Variants in SPTB observed in about 807,000 individuals in gnomAD.
SPTB encodes the protein spectrin beta, erythrocytic.
Under a neutral mutation model 256.2 loss-of-function variants are expected in SPTB, and 45 were observed. The ratio of observed to expected loss-of-function variants is 0.18; its 90% CI spans 0.14 to 0.23. The LOEUF is 0.23. Among genes scored for constraint, SPTB ranks in the 10% least tolerant of loss-of-function variants. SPTB has a pLI of 1.00. For synonymous variants in SPTB, 1,231 were observed against 1,243.1 expected (o/e 0.99, Z 0.21); for missense variants, 2,715 against 3,040.4 (o/e 0.89, Z 2.52).
At chr14:64,820,891 T>A (rs555564507) in intron 2 of SPTB, among the ~76,000 whole-genome samples, 3 of 152,210 alleles carry the variant, frequency 2.0e-5, no homozygotes, top group African/African-American at 4.8e-5. Flanking sequence ...TTGGCCAGGC[T>A]GGTCTTGAAC....
At chr14:64,863,564 T>C (rs1390017204) in intron 1 of SPTB, among the ~76,000 whole-genome samples, 1 of 152,200 alleles carries the variant, frequency 6.6e-6, no homozygotes, top group Admixed American at 6.5e-5. Context: ...CAGCCTAGCA[T>C]ATAACAGGCA....
chr14:64,831,397 G>A (rs922476073), intron 1 of SPTB, among the ~76,000 whole-genome samples: 1 of 152,174 alleles, frequency 6.6e-6, no homozygotes, highest in African/African-American at 2.4e-5. Flanking sequence ...AAGTTGCCAA[G>A]GACATGAACG....
At chr14:64,819,210 G>A (rs2083245153) in intron 2 of SPTB, among the ~76,000 whole-genome samples, 2 of 152,306 alleles carry the variant, frequency 1.3e-5, no homozygotes, top group South Asian at 2.1e-4. Flanking sequence ...CTGGAGAGAG[G>A]TCAGGTTTTT....
At chr14:64,797,595 C>G in intron 10 of SPTB, 134 bp downstream of exon 10, 1 of 805,150 alleles carries the variant, frequency 1.2e-6, no homozygotes. Context: ...ATAACTCCCC[C>G]AAATAGTCAA....
chr14:64,841,870 C>T lies in SPTB; in HGVS notation c.-51-18725G>A, dbSNP rs1200852748. Among the ~76,000 whole-genome samples, 5 of 152,136 alleles carry T rather than the reference C, an allele frequency of 3.3e-5. No homozygotes were observed. The highest frequency in any genetic ancestry group is 1.5e-5 in the Non-Finnish European group (1 of 68,026). Reference sequence around the variant, plus strand: ...TTGCAGAAGGTGCCCCAAGGTGTTGCAGTTTGATAACGCTCTCCTCATATC... The same window carrying T: ...TTGCAGAAGGTGCCCCAAGGTGTTGTAGTTTGATAACGCTCTCCTCATATC... On this transcript the variant is annotated intron_variant, in intron 1 of 35. Coordinates refer to ENST00000644917, the MANE Select transcript of SPTB (RefSeq NM_001355436.2). This position sits in a 1 kb window ranked among gnomAD's most constrained non-coding sequence, Gnocchi z 4.6.
At position 64,749,631 on chromosome 14, in the gene SPTB, T is replaced by C; in HGVS notation, c.6819+23A>G. ...CACCTACCCCCTTCTTAGCCAGGTC[T>C]GGGCTAGGCTGCCCGCGCTTACCTC... On this transcript the variant is annotated intron_variant, in intron 35 of 35. Coordinates refer to ENST00000644917, the MANE Select transcript of SPTB (RefSeq NM_001355436.2). The surrounding 1 kb of genome is among the most constrained non-coding windows in gnomAD (Gnocchi z 4.7). 1 of 1,613,314 alleles carries C rather than the reference T, an allele frequency of 6.2e-7. No homozygotes were observed. The highest frequency in any genetic ancestry group is 1.3e-5 in the African/African-American group (1 of 75,030).
chr14:64,763,352 T>A (rs892273204), intron 32 of SPTB, among the ~76,000 whole-genome samples: 27 of 152,324 alleles, frequency 1.8e-4, no homozygotes, highest in Admixed American at 1.6e-3. Context: ...GTAGCAGAGG[T>A]GCAGCCCCAC....
intron 1 of SPTB, among the ~76,000 whole-genome samples, chr14:64,858,009 G>A (rs752153322): frequency 2.6e-5 from 4 of 152,162 alleles, no homozygotes; most frequent in Non-Finnish European, 4.4e-5. Context: ...TATCTGCAAG[G>A]TGGGTATTAT....
rs200926839 is a variant in SPTB, at chr14:64,786,732, G to A, written c.3233C>T (p.Ser1078Phe). ...QDLDDFQAWL[S>F]ITQKAVASED... ...AGAGGCCACAGCCTTCTGGGTGATG[G>A]AGAGCCAGGCCTGGAAGTCATCCAG... is the stretch of plus-strand genomic sequence containing the variant. Residue 1078 changes from serine (S) to phenylalanine (F), a missense_variant, in exon 16 of 36, where the codon TCC (serine) becomes TTC (phenylalanine). Ser to Phe is a radical substitution (Grantham distance 155, BLOSUM62 -2). Coordinates refer to ENST00000644917, the MANE Select transcript of SPTB (RefSeq NM_001355436.2). The surrounding 1 kb of genome is among the most constrained non-coding windows in gnomAD (Gnocchi z 5.6). 2.4e-4 allele frequency: 389 copies of A among 1,614,132 alleles called. 1 individual carries two copies. The South Asian group carries it at 2.9e-3, about 12-fold the overall frequency.
In SPTB at chr14:64,772,452, TG is replaced by T; in HGVS notation, c.5553+127del. 2 of 1,294,054 alleles carry T rather than the reference TG, an allele frequency of 1.5e-6. No individual in the cohort carries two copies. The highest frequency in any genetic ancestry group is 1.1e-6 in the Non-Finnish European group (1 of 951,156). The allele number at this position is 1,294,054 out of a possible 1,614,324, so 80.2% of individuals were successfully genotyped here. On this transcript the variant is annotated intron_variant, in intron 26 of 35. Transcript: ENST00000644917. The surrounding 1 kb of genome is among the most constrained non-coding windows in gnomAD (Gnocchi z 5.4). ...GCCACTGCTCCCAGCCCTGAGCTCCTGGCTGTCTAAGGAGGCAAAACCTCCT... is the reference window on the plus strand; with the variant it reads ...GCCACTGCTCCCAGCCCTGAGCTCCTGCTGTCTAAGGAGGCAAAACCTCCT...
Position 64,796,808 on chromosome 14 carries a change from T to C in SPTB, c.1183-93A>G, listed in dbSNP as rs559711922. On this transcript the variant is annotated intron_variant, in intron 10 of 35. Transcript: ENST00000644917. This position sits in a 1 kb window ranked among gnomAD's most constrained non-coding sequence, Gnocchi z 4.1. ...CTTTCACCCAACACTGAGTGATTTC[T>C]GGAATCAAGGTACAGCCTGATGCTC... 2 of 1,519,750 alleles carry C rather than the reference T, an allele frequency of 1.3e-6. No homozygotes were observed. Among genetic ancestry groups the C allele is most frequent in the Admixed American group, 1.7e-5 (1 of 59,200 alleles). 94.1% of individuals were successfully genotyped at this position (1,519,750 alleles called of 1,614,324 possible).
rs535307558 is a variant in SPTB, at chr14:64,824,647, G to A, written c.-51-1502C>T. Among the ~76,000 whole-genome samples the A allele has an allele frequency of 1.3e-5, 2 of 152,202 alleles. No individual in the cohort carries two copies. Among genetic ancestry groups the A allele is most frequent in the South Asian group, 4.1e-4 (2 of 4,824 alleles). On this transcript the variant is annotated intron_variant, in intron 1 of 35. Coordinates refer to ENST00000644917, the MANE Select transcript of SPTB (RefSeq NM_001355436.2). This position sits in a 1 kb window ranked among gnomAD's most constrained non-coding sequence, Gnocchi z 5.7. ...GGTTGACAGCCAGTGAGCTGTGAGG[G>A]AGACCACTCCCTCTGTGGGTGTGTG...
At chr14:64,832,873 T>C (rs2083469109) in intron 1 of SPTB, among the ~76,000 whole-genome samples, 3 of 152,192 alleles carry the variant, frequency 2.0e-5, no homozygotes, top group Non-Finnish European at 4.4e-5. Flanking sequence ...TTTCTGCTGG[T>C]CTTTGTATCT....
rs751235570 is a variant in SPTB at position 64,786,504 on chromosome 14, C to T, written c.3461G>A (p.Gly1154Asp). 3.1e-6 allele frequency: 5 copies of T among 1,613,956 alleles called. No individual in the cohort carries two copies. The African/African-American group carries it at 4.0e-5, about 13-fold the overall frequency. ...EGLDTGWNALGRMWESRSHTL... is the reference protein window; with the variant it reads ...EGLDTGWNALDRMWESRSHTL... ...GTGGCTGCGGCTCTCCCACATCCTG[C>T]CCAGGGCATTCCAGCCAGTATCCAG... Residue 1154 changes from glycine (G) to aspartate (D), a missense_variant, in exon 16 of 36, where the codon GGC becomes GAC. Around this residue, in one of 4 missense-constraint regions of SPTB, gnomAD observed 2,239 missense variants for 2,384.4 expected, o/e 0.94. Coordinates refer to ENST00000644917, the MANE Select transcript of SPTB (RefSeq NM_001355436.2). This position sits in a 1 kb window ranked among gnomAD's most constrained non-coding sequence, Gnocchi z 5.6.
intron 20 of SPTB, 28 bp downstream of exon 20, chr14:64,782,262 A>T: frequency 1.2e-6 from 2 of 1,613,998 alleles, no homozygotes; most frequent in Non-Finnish European, 1.7e-6. Context: ...CTATCCTAAC[A>T]CTCTGAGTCT....
In SPTB at chr14:64,770,819, C is replaced by T. The variant is rs139868038; in HGVS notation, c.5798+66G>A. ...TTCACGGAGGAGCCACAGTGCAGCACCCTGGTTGGCCGGGCTCCTCTGGCC... is the reference window on the plus strand; with the variant it reads ...TTCACGGAGGAGCCACAGTGCAGCATCCTGGTTGGCCGGGCTCCTCTGGCC... On this transcript the variant is annotated intron_variant, in intron 27 of 35. Transcript: ENST00000644917. 3,198 of 1,611,682 alleles carry T rather than the reference C, an allele frequency of 2.0e-3. 63 individuals are homozygous for T. The African/African-American group carries it at 0.038, about 19-fold the overall frequency.
At chr14:64,837,857 C>A (rs1376401429) in intron 1 of SPTB, among the ~76,000 whole-genome samples, 3 of 152,138 alleles carry the variant, frequency 2.0e-5, no homozygotes, top group Non-Finnish European at 4.4e-5. Flanking sequence ...GGTGATCCAC[C>A]CACCTTGGCC....
rs2139637785 is a variant in SPTB, at chr14:64,803,802, C to T, written c.301-22G>A. 2 of 1,590,458 alleles carry T rather than the reference C, an allele frequency of 1.3e-6. No individual in the cohort carries two copies. Among genetic ancestry groups the T allele is most frequent in the Non-Finnish European group, 1.7e-6 (2 of 1,167,716 alleles). ...TTGGCTGGGGGACAGCAGTGGCCCC[C>T]GTGGGCATGGAGGGACTGCACAGTC... On this transcript the variant is annotated intron_variant, in intron 3 of 35. Transcript: ENST00000644917.
At chr14:64,813,068 C>T (rs1566780959) in intron 2 of SPTB, among the ~76,000 whole-genome samples, 1 of 152,164 alleles carries the variant, frequency 6.6e-6, no homozygotes, top group Non-Finnish European at 1.5e-5. Context: ...GATTTTCAAA[C>T]CTATATCCTA....
Sources: gnomAD v4.1 joint callset for allele counts (sites outside exome capture counted in the v4.1 genomes callset) on GRCh38, gnomAD v4.1.1 for gene constraint, gnomAD v4.1.1 regional missense constraint, Gnocchi (gnomAD v3.1) non-coding constraint, MANE v1.5 for transcripts, NCBI Gene and HGNC (gene_info 2026-07-23, HGNC 2026-07-21) for gene names.